The following CHL1 variants were observed in gnomAD, a reference collection of about 807,000 sequenced individuals.
CHL1 encodes the protein neural cell adhesion molecule L1-like protein.
Under a neutral mutation model 141.9 loss-of-function variants are expected in CHL1, and 96 were observed. The observed-to-expected ratio is 0.68, with a 90% CI of 0.57 to 0.80. The LOEUF is 0.80. Among genes scored for constraint, CHL1 ranks in the 30% least tolerant of loss-of-function variants. The pLI, the probability that CHL1 is intolerant of heterozygous loss-of-function variation, is 0.00. For missense variants in CHL1, 1,820 were observed against 1,457.2 expected, an observed-to-expected ratio of 1.25 and a Z score of -4.05; for synonymous variants, 613 against 502.2, an observed-to-expected ratio of 1.22 and a Z score of -2.95.
At chr3:314,123 G>T (rs1699965901) in intron 2 of CHL1, among the ~76,000 whole-genome samples, 1 of 151,430 alleles carries the variant, frequency 6.6e-6, no homozygotes, top group Non-Finnish European at 1.5e-5. Context: ...ATGGCAGCAG[G>T]CATTCTCAAG....
intron 3 of CHL1, 22 bp from the exon 4 acceptor site, chr3:325,937 A>C: frequency 6.5e-7 from 1 of 1,534,612 alleles, no homozygotes; most frequent in Non-Finnish European, 9.0e-7. Context: ...GTGTGTTTTT[A>C]AGTACATATT....
At chr3:323,585 A>T (rs1252773817) in intron 3 of CHL1, among the ~76,000 whole-genome samples, 3 of 152,142 alleles carry the variant, frequency 2.0e-5, no homozygotes, top group Non-Finnish European at 4.4e-5. Flanking sequence ...ATCATCAGAA[A>T]GGACTCTAAA....
chr3:265,981 G>A (rs116167054), intron 2 of CHL1, among the ~76,000 whole-genome samples: 123 of 152,304 alleles, frequency 8.1e-4, no homozygotes, highest in African/African-American at 2.9e-3. Context: ...GAAGCCAGTG[G>A]TGGTTCTTAG....
intron 13 of CHL1, 34 bp from the exon 14 acceptor site, chr3:363,182 TA>T: frequency 2.5e-6 from 4 of 1,583,884 alleles, no homozygotes; most frequent in Non-Finnish European, 3.4e-6. Flanking sequence ...AATTTTGCCC[TA>T]CCTCAGATGG....
chr3:296,971 G>T (rs1182997229), intron 2 of CHL1, among the ~76,000 whole-genome samples: 1 of 152,150 alleles, frequency 6.6e-6, no homozygotes, highest in Admixed American at 6.6e-5. Context: ...GAAGAGTGGG[G>T]ACATCCTGAG....
In CHL1 at chr3:224,172, G is replaced by T. The variant is rs572999265; in HGVS notation, c.-174-20441G>T. On this transcript the variant is annotated intron_variant, in intron 1 of 27. Coordinates refer to ENST00000256509, the MANE Select transcript of CHL1 (RefSeq NM_006614.4). The stretch of plus-strand genomic sequence containing the variant: ...TTATTACTTTTACAAAGGTGGTTTT[G>T]GTCCCTGAACAAGGAGGGAGTAGTT... Among the ~76,000 whole-genome samples, 51 of 152,100 alleles carry T rather than the reference G, an allele frequency of 3.4e-4. No homozygotes were observed. In the South Asian group the frequency reaches 8.7e-3, roughly 26 times the overall value.
intron 5 of CHL1, among the ~76,000 whole-genome samples, chr3:333,599 C>T (rs1357587133): frequency 1.3e-5 from 2 of 152,112 alleles, no homozygotes; most frequent in African/African-American, 4.8e-5. Flanking sequence ...CAAGACATGG[C>T]ACAGGGATTT....
chr3:385,768 C>G (rs557371319), intron 19 of CHL1: 11 of 139,388 alleles, frequency 7.9e-5, no homozygotes, highest in Admixed American at 1.6e-4. Context: ...GTGGAGGTTA[C>G]AGTGAGTTGA....
chr3:222,543 C>T (rs369315384), intron 1 of CHL1, among the ~76,000 whole-genome samples: 13 of 152,196 alleles, frequency 8.5e-5, no homozygotes, highest in East Asian at 3.9e-4. Context: ...ATTCCTTTGA[C>T]GGACATTACA....
intron 2 of CHL1, among the ~76,000 whole-genome samples, chr3:288,352 A>G (rs1048014801): frequency 1.3e-5 from 2 of 152,094 alleles, no homozygotes; most frequent in Non-Finnish European, 2.9e-5. Context: ...ACATATATAC[A>G]GGCATAATTT....
At chr3:249,280 G>C (rs1283764154) in intron 2 of CHL1, among the ~76,000 whole-genome samples, 2 of 152,124 alleles carry the variant, frequency 1.3e-5, no homozygotes, top group African/African-American at 4.8e-5. Flanking sequence ...CTGATCAAAG[G>C]CTAATTTAGT....
intron 14 of CHL1, among the ~76,000 whole-genome samples, chr3:364,750 C>G (rs558178180): frequency 1.3e-5 from 2 of 152,176 alleles, no homozygotes; most frequent in Admixed American, 6.5e-5. Context: ...GGTTCAAATC[C>G]TGGTTCAGCC....
At chr3:392,365 T>A (rs1337784214) in intron 23 of CHL1, among the ~76,000 whole-genome samples, 1 of 152,230 alleles carries the variant, frequency 6.6e-6, no homozygotes, top group Non-Finnish European at 1.5e-5. Context: ...TATGGGTTGC[T>A]CACTGTTTCA....
At position 405,859 on chromosome 3, in the gene CHL1, G is replaced by C; in HGVS notation, c.*148G>C. ...ACATCCTGCAATTATGTTGAAAAGAGTAGTACTTTCTTCAAAATATAAAAT... is the reference window on the plus strand; with the variant it reads ...ACATCCTGCAATTATGTTGAAAAGACTAGTACTTTCTTCAAAATATAAAAT... On this transcript the variant is annotated 3_prime_UTR_variant, in exon 28 of 28. Coordinates refer to ENST00000256509, the MANE Select transcript of CHL1 (RefSeq NM_006614.4). 1 of 610,378 alleles carries C rather than the reference G, an allele frequency of 1.6e-6. No homozygotes were observed. The highest frequency in any genetic ancestry group is 2.8e-5 in the East Asian group (1 of 35,786). 37.8% of individuals were successfully genotyped at this position (610,378 alleles called of 1,614,324 possible). A position where few individuals can be genotyped will look rare whatever the true frequency, so the allele number is the denominator to read the frequency against.
intron 5 of CHL1, among the ~76,000 whole-genome samples, chr3:337,842 T>C (rs993729142): frequency 6.6e-6 from 1 of 152,220 alleles, no homozygotes; most frequent in Admixed American, 6.5e-5. Context: ...TATGTGTGCA[T>C]GTGTCTTCAT....
In CHL1 at chr3:381,019, G is replaced by A. The variant is rs552001591; in HGVS notation, c.1877-1160G>A. On this transcript the variant is annotated intron_variant, in intron 16 of 27. Coordinates refer to ENST00000256509, the MANE Select transcript of CHL1 (RefSeq NM_006614.4). ...GATACATCATGTTTCCCAGACTTGGGTATACCTAATCCCCATCCAAGGAAC... is the reference window on the plus strand; with the variant it reads ...GATACATCATGTTTCCCAGACTTGGATATACCTAATCCCCATCCAAGGAAC... 4.6e-5 allele frequency among the ~76,000 whole-genome samples: 7 copies of A among 152,278 alleles called. No homozygotes were observed. The South Asian group carries it at 1.4e-3, about 32-fold the overall frequency.
intron 4 of CHL1, among the ~76,000 whole-genome samples, 178 bp from the exon 5 acceptor site, chr3:327,989 G>T (rs367641487): frequency 3.9e-4 from 60 of 151,950 alleles, no homozygotes; most frequent in African/African-American, 1.4e-3. Context: ...CTGTTTTATG[G>T]ACAGTAATAT....
chr3:363,431 G>T (rs768121510), intron 14 of CHL1, 48 bp downstream of exon 14: 1 of 1,522,432 alleles, frequency 6.6e-7, no homozygotes, highest in South Asian at 1.2e-5. Flanking sequence ...CATGGGTTCA[G>T]TCTGTCTTCA....
intron 5 of CHL1, among the ~76,000 whole-genome samples, chr3:334,384 T>C (rs1236483168): frequency 6.6e-6 from 1 of 152,132 alleles, no homozygotes; most frequent in Non-Finnish European, 1.5e-5. Flanking sequence ...TATAATGTAG[T>C]ATTAAAACAT....
Sources: allele counts gnomAD v4.1 joint callset (sites outside exome capture counted in the v4.1 genomes callset), GRCh38; gene constraint gnomAD v4.1.1; transcripts MANE v1.5; gene names NCBI Gene and HGNC (gene_info 2026-07-23, HGNC 2026-07-21).